Variants in ZNF124 observed in about 807,000 individuals in gnomAD.
ZNF124 encodes the protein zinc finger protein 124, also known as zinc finger protein HZF-16.
In ZNF124, 25 loss-of-function variants were observed where a neutral mutation model predicts 26.6. That is an observed-to-expected ratio of 0.94 (90% CI 0.68 to 1.31). The LOEUF (loss-of-function observed/expected upper bound fraction) is 1.31, where lower values mean the gene tolerates loss of function less well. ZNF124 is among the 40% of genes most tolerant of loss of function. ZNF124 has a pLI of 0.00. For missense variants in ZNF124, 444 were observed against 422.2 expected (o/e 1.05, Z -0.45); for synonymous variants, 129 against 133.3 (o/e 0.97, Z 0.22).
intron 1 of ZNF124, among the ~76,000 whole-genome samples, chr1:247,160,446 T>C (rs1673418070): frequency 6.6e-6 from 1 of 152,128 alleles, no homozygotes; most frequent in African/African-American, 2.4e-5. Flanking sequence ...CTGGTGTGCA[T>C]AAGAGAGTTA....
intron 3 of ZNF124, among the ~76,000 whole-genome samples, chr1:247,158,249 CAAACA>C (rs200196025): frequency 0.053 from 8,075 of 151,994 alleles, 261 homozygotes; most frequent in African/African-American, 0.073. Flanking sequence ...GACTCCATCT[CAAACA>C]AAACAAAACA....
At chr1:247,146,784 G>GT (rs1358104006) in intron 3 of ZNF124, among the ~76,000 whole-genome samples, 1 of 152,116 alleles carries the variant, frequency 6.6e-6, no homozygotes. Flanking sequence ...CTGGATTTTT[G>GT]TTTTTGAGAC....
At chr1:247,153,347 C>T (rs1486119031), downstream of ZNF124, among the ~76,000 whole-genome samples, 1 of 152,036 alleles carries the variant, frequency 6.6e-6, no homozygotes, top group East Asian at 1.9e-4. Context: ...TAGGTGCTGC[C>T]ATTATCAGGA....
chr1:247,129,913 GACATT>G (rs1448972764), intron 3 of ZNF124, among the ~76,000 whole-genome samples: 558 of 13,504 alleles, frequency 0.041, 120 homozygotes, highest in African/African-American at 0.26. Context: ...AGGGAGGGTG[GACATT>G]GAGTACTTCC....
Position 247,137,346 on chromosome 1 carries a change from G to C in ZNF124, c.219-13475C>G, listed in dbSNP as rs185128341. Among the ~76,000 whole-genome samples, 5 of 149,806 alleles carry C rather than the reference G, an allele frequency of 3.3e-5. No homozygotes were observed. In the East Asian group the frequency reaches 9.8e-4, roughly 29 times the overall value. On this transcript the variant is annotated intron_variant, in intron 3 of 3. Coordinates refer to the ZNF124 transcript ENST00000472531. ...AAAATCCAAAACCATAAAAACCCTA[G>C]GAGAAAACCTAGGGAGGCCAGGTGC...
chr1:247,133,111 A>G (rs963789560), intron 3 of ZNF124, among the ~76,000 whole-genome samples: 1 of 152,206 alleles, frequency 6.6e-6, no homozygotes, highest in Non-Finnish European at 1.5e-5. Context: ...AGCACACACA[A>G]GTATCAACAG....
intron 1 of ZNF124, among the ~76,000 whole-genome samples, chr1:247,164,805 G>A (rs1433886787): frequency 1.3e-5 from 2 of 152,088 alleles, no homozygotes; most frequent in Non-Finnish European, 2.9e-5. Flanking sequence ...ATCCCACATA[G>A]CCAAGCAAGA....
At position 247,131,099 on chromosome 1, in the gene ZNF124, A is replaced by C. The variant is rs147175172; in HGVS notation, c.219-7228T>G. Among the ~76,000 whole-genome samples, 535 of 152,274 alleles carry C rather than the reference A, an allele frequency of 3.5e-3. 3 individuals are homozygous for C. Among genetic ancestry groups the C allele is most frequent in the African/African-American group, 0.012 (508 of 41,566 alleles). The stretch of plus-strand genomic sequence containing the variant: ...ACAAACTAAAAAACTCATAATAAGC[A>C]TGTGAATCCTTCACCAGCAACCAGG... On this transcript the variant is annotated intron_variant, in intron 3 of 3. Coordinates refer to the ZNF124 transcript ENST00000472531.
Position 247,159,078 on chromosome 1 carries a change from A to C in ZNF124, c.158-12T>G. 6.2e-7 allele frequency: 1 copy of C among 1,605,364 alleles called. No homozygotes were observed. Among genetic ancestry groups the C allele is most frequent in the African/African-American group, 1.3e-5 (1 of 74,324 alleles). On this transcript the variant is annotated splice_polypyrimidine_tract_variant and intron_variant, in intron 2 of 3. Coordinates refer to ENST00000543802, the MANE Select transcript of ZNF124 (RefSeq NM_001297568.2). ...TTCCCCTTTGTTTCCTAAAATGTAGACCCAGAAATATATTACAAATTATTT... is the reference window on the plus strand; with the variant it reads ...TTCCCCTTTGTTTCCTAAAATGTAGCCCCAGAAATATATTACAAATTATTT...
At chr1:247,167,114 C>T (rs1344293054) in intron 1 of ZNF124, among the ~76,000 whole-genome samples, 2 of 152,140 alleles carry the variant, frequency 1.3e-5, no homozygotes, top group Admixed American at 6.6e-5. Context: ...ACACAATAAA[C>T]TAGGACTACA....
intron 3 of ZNF124, among the ~76,000 whole-genome samples, chr1:247,149,465 G>C (rs1175459729): frequency 1.3e-5 from 2 of 152,164 alleles, no homozygotes; most frequent in East Asian, 3.8e-4. Flanking sequence ...ATTAATAGAT[G>C]AATGGATACA....
intron 3 of ZNF124, among the ~76,000 whole-genome samples, chr1:247,147,933 AG>A (rs1408004231): frequency 2.6e-5 from 4 of 152,224 alleles, no homozygotes; most frequent in African/African-American, 9.6e-5. Context: ...ACCCTGCCCA[AG>A]CCCTGTCAGT....
intron 3 of ZNF124, among the ~76,000 whole-genome samples, chr1:247,147,725 T>G (rs1672822690): frequency 6.6e-6 from 1 of 152,114 alleles, no homozygotes; most frequent in South Asian, 2.1e-4. Context: ...AAATGGAGAA[T>G]TCTGTCTCTC....
chr1:247,149,683 G>A (rs1672876485), intron 3 of ZNF124, among the ~76,000 whole-genome samples: 1 of 152,206 alleles, frequency 6.6e-6, no homozygotes, highest in Non-Finnish European at 1.5e-5. Flanking sequence ...CCAGAAGGTA[G>A]GGGAAATGGG....
intron 1 of ZNF124, among the ~76,000 whole-genome samples, chr1:247,161,757 TATA>T (rs148601513): frequency 6.6e-6 from 1 of 151,874 alleles, no homozygotes; most frequent in South Asian, 2.1e-4. Context: ...GGCATATTAC[TATA>T]ATAATAATAG....
chr1:247,155,201 A>G lies in ZNF124; in HGVS notation c.*1365T>C, dbSNP rs1206145479. Among the ~76,000 whole-genome samples the G allele has an allele frequency of 1.3e-5, 2 of 152,198 alleles. No individual in the cohort carries two copies. The highest frequency in any genetic ancestry group is 6.5e-5 in the Admixed American group (1 of 15,282). ...AATAATTCACGTGAGAATATACTCT[A>G]TAATAAACTTTACATACTTACAAAT... On this transcript the variant is annotated 3_prime_UTR_variant, in exon 4 of 4. Transcript: ENST00000543802.
intron 3 of ZNF124, among the ~76,000 whole-genome samples, chr1:247,137,487 C>CAAAAA (rs56926662): frequency 1.4e-3 from 115 of 81,622 alleles, no homozygotes; most frequent in East Asian, 2.0e-3. Flanking sequence ...ACTAAAAATA[C>CAAAAA]AAAAAAAAAA....
Position 247,156,577 on chromosome 1 carries a change from T to G in ZNF124, c.1045A>C (p.Lys349Gln). The G allele has an allele frequency of 6.5e-7, 1 of 1,532,344 alleles. No homozygotes were observed. The highest frequency in any genetic ancestry group is 8.7e-7 in the Non-Finnish European group (1 of 1,146,096). The allele number at this position is 1,532,344 out of a possible 1,614,324, so 94.9% of individuals were successfully genotyped here. ...THTGEKPYKC[K>Q]KM is the part of the protein sequence containing the mutation. ...AGTGATTAAAGCCTTTACATTTTTT[T>G]ACATTTATAGGGCTTTTCTCCAGTA... Residue 349 changes from lysine (K) to glutamine (Q), a missense_variant, in exon 4 of 4, where the codon AAA becomes CAA. Physicochemically the swap from Lys to Gln is moderately conservative, Grantham distance 53. Transcript: ENST00000543802.
chr1:247,151,496 C>A (rs1359673599), downstream of ZNF124, among the ~76,000 whole-genome samples: 65 of 141,526 alleles, frequency 4.6e-4, no homozygotes, highest in South Asian at 2.6e-3. Flanking sequence ...AAAAAAAAAA[C>A]CATGTGTTGG....
Sources: allele counts gnomAD v4.1 joint callset (sites outside exome capture counted in the v4.1 genomes callset), GRCh38; gene constraint gnomAD v4.1.1; transcripts MANE v1.5; gene names NCBI Gene and HGNC (gene_info 2026-07-23, HGNC 2026-07-21).